Variants in FGF13 observed in about 807,000 individuals in gnomAD.
FGF13 encodes the protein fibroblast growth factor homologous factor 2.
In FGF13, 2 loss-of-function variants were observed where a neutral mutation model predicts 19.5. That is an observed-to-expected ratio of 0.10 (90% CI 0.04 to 0.32). FGF13 has a LOEUF of 0.32. Among genes scored for constraint, FGF13 ranks in the 10% least tolerant of loss-of-function variants. The pLI, the probability that FGF13 is intolerant of heterozygous loss-of-function variation, is 1.00. For missense variants in FGF13, 113 were observed against 192.7 expected (o/e 0.59, Z 2.45); for synonymous variants, 72 against 76.9 (o/e 0.94, Z 0.33).
At chrX:139,017,680 C>T (rs1446753834) in intron 1 of FGF13, among the ~76,000 whole-genome samples, 1 of 111,289 alleles carries the variant, frequency 9.0e-6, no homozygotes, top group Admixed American at 9.6e-5. Flanking sequence ...AAATGCCTGA[C>T]CACAGAGAAT....
chrX:138,757,011 T>C (rs1230831364), intron 3 of FGF13, among the ~76,000 whole-genome samples: 15 of 111,456 alleles, frequency 1.3e-4, no homozygotes. Context: ...TAATGGTGCA[T>C]AGTGACAAGG....
intron 3 of FGF13, among the ~76,000 whole-genome samples, chrX:138,701,869 G>A (rs1208576503): frequency 8.9e-6 from 1 of 112,711 alleles, no homozygotes; most frequent in East Asian, 2.8e-4. Context: ...GATTTTTATT[G>A]TTATACTAAC....
Position 138,711,144 on chromosome X carries a change from G to T in FGF13, c.-141C>A. On this transcript the variant is annotated 5_prime_UTR_variant, in exon 1 of 5. Transcript: ENST00000315930. ...AGCCTGCGTTTGCCCGGGCTTCTCC[G>T]CACTCGGGCTTCAGCCAAGGAGGGG... The T allele has an allele frequency of 9.2e-7, 1 of 1,087,673 alleles. No homozygotes were observed. Among genetic ancestry groups the T allele is most frequent in the Non-Finnish European group, 1.2e-6 (1 of 840,528 alleles). 89.6% of individuals were successfully genotyped at this position (1,087,673 alleles called of 1,213,427 possible). A position where few individuals can be genotyped will look rare whatever the true frequency, so the allele number is the denominator to read the frequency against.
At chrX:139,126,562 T>C (rs1192959498) in intron 1 of FGF13, among the ~76,000 whole-genome samples, 8 of 111,570 alleles carry the variant, frequency 7.2e-5, no homozygotes, top group Non-Finnish European at 1.3e-4. Flanking sequence ...AAATAAATCC[T>C]GCTTCAATGA....
intron 1 of FGF13, among the ~76,000 whole-genome samples, chrX:138,969,442 CACTT>C (rs1199919577): frequency 9.0e-6 from 1 of 111,254 alleles, no homozygotes; most frequent in East Asian, 2.8e-4. Flanking sequence ...CTGGTGGTAT[CACTT>C]ACAAAAATTT....
intron 3 of FGF13, among the ~76,000 whole-genome samples, chrX:138,670,337 A>G (rs1244832814): frequency 8.9e-6 from 1 of 112,213 alleles, no homozygotes; most frequent in Non-Finnish European, 1.9e-5. Context: ...ACTGAGAAAG[A>G]AACTTTAAAA....
At chrX:139,200,223 G>T (rs763772502) in intron 1 of FGF13, among the ~76,000 whole-genome samples, 1 of 111,983 alleles carries the variant, frequency 8.9e-6, no homozygotes, top group Non-Finnish European at 1.9e-5. Flanking sequence ...ATTTCTTGTC[G>T]GTAAAATACC....
chrX:138,672,859 T>A (rs143504751), intron 3 of FGF13, among the ~76,000 whole-genome samples: 27 of 111,389 alleles, frequency 2.4e-4, no homozygotes, highest in Non-Finnish European at 4.3e-4. Flanking sequence ...CTTAGAAGGA[T>A]CAGTCAGTGA....
chrX:138,808,074 C>T (rs1221528674), intron 3 of FGF13, among the ~76,000 whole-genome samples: 5 of 111,616 alleles, frequency 4.5e-5, no homozygotes, highest in East Asian at 2.8e-4. Flanking sequence ...TTGAACTCAG[C>T]TCTGCACCAA....
chrX:138,943,287 A>C (rs749405467), intron 1 of FGF13, among the ~76,000 whole-genome samples: 1 of 111,785 alleles, frequency 8.9e-6, no homozygotes. Context: ...CCAGTGTCCA[A>C]TGTGTAGTAA....
chrX:139,072,318 T>C (rs1388061463), intron 1 of FGF13, among the ~76,000 whole-genome samples: 1 of 107,969 alleles, frequency 9.3e-6, no homozygotes, highest in Non-Finnish European at 1.9e-5. Context: ...CGGAAGAAAG[T>C]CCATGTGAAG....
chrX:138,745,200 C>A (rs2090346487), intron 3 of FGF13, among the ~76,000 whole-genome samples: 1 of 112,042 alleles, frequency 8.9e-6, no homozygotes, highest in Non-Finnish European at 1.9e-5. Context: ...AATCATACAT[C>A]TTTAAACTTG....
At chrX:139,151,100 GA>G (rs369804874) in intron 1 of FGF13, among the ~76,000 whole-genome samples, 38 of 102,185 alleles carry the variant, frequency 3.7e-4, no homozygotes, top group East Asian at 1.2e-3. Flanking sequence ...TGGGAGGGAA[GA>G]AAAAAAAAAA....
At chrX:138,924,943 A>G (rs2091665349) in intron 1 of FGF13, among the ~76,000 whole-genome samples, 1 of 111,263 alleles carries the variant, frequency 9.0e-6, no homozygotes, top group Non-Finnish European at 1.9e-5. Context: ...AGCCATCAAT[A>G]TATCAATATG....
chrX:138,704,279 C>T (rs1259473693), intron 2 of FGF13, among the ~76,000 whole-genome samples: 1 of 111,553 alleles, frequency 9.0e-6, no homozygotes, highest in East Asian at 2.8e-4. Flanking sequence ...ACACCACTCA[C>T]TGGAGACAAC....
At chrX:138,895,155 T>G (rs1338985704) in intron 1 of FGF13, among the ~76,000 whole-genome samples, 1 of 112,086 alleles carries the variant, frequency 8.9e-6, no homozygotes, top group Non-Finnish European at 1.9e-5. Context: ...GCTTTATTGA[T>G]GTATACTTGA....
intron 1 of FGF13, among the ~76,000 whole-genome samples, chrX:139,139,467 A>C (rs1256962523): frequency 8.9e-6 from 1 of 112,172 alleles, no homozygotes; most frequent in East Asian, 2.8e-4. Context: ...CAAAGTGTTA[A>C]ATTCCTTACA....
chrX:138,838,273 T>C (rs2091126395), intron 3 of FGF13, among the ~76,000 whole-genome samples: 1 of 111,729 alleles, frequency 9.0e-6, no homozygotes, highest in Non-Finnish European at 1.9e-5. Flanking sequence ...TATGTACAGG[T>C]GTCCAACCTC....
At chrX:138,768,487 G>A (rs186740113) in intron 3 of FGF13, among the ~76,000 whole-genome samples, 219 of 109,152 alleles carry the variant, frequency 2.0e-3, no homozygotes, top group African/African-American at 6.9e-3. Context: ...TCATTATTTA[G>A]GTGAGTTCAG....
Sources: allele counts gnomAD v4.1 joint callset (sites outside exome capture counted in the v4.1 genomes callset), GRCh38; gene constraint gnomAD v4.1.1; transcripts MANE v1.5; gene names NCBI Gene and HGNC (gene_info 2026-07-23, HGNC 2026-07-21).